Variants in CACNA2D3 observed in about 807,000 individuals in gnomAD.
CACNA2D3 encodes the protein calcium voltage-gated channel auxiliary subunit alpha2delta 3.
Under a neutral mutation model 160.6 loss-of-function variants are expected in CACNA2D3, and 60 were observed. The observed-to-expected ratio is 0.37, with a 90% CI of 0.30 to 0.46. The LOEUF (loss-of-function observed/expected upper bound fraction) is 0.46, where lower values mean the gene tolerates loss of function less well. CACNA2D3 is among the 20% of genes least tolerant of loss of function. The probability of loss-of-function intolerance (pLI) is 1.00; values close to 1 mark genes in which losing one functional copy is unlikely to be tolerated. For missense variants in CACNA2D3, 1,205 were observed against 1,365.0 expected (o/e 0.88, Z 1.85); for synonymous variants, 558 against 492.9 (o/e 1.13, Z -1.75).
intron 2 of CACNA2D3, among the ~76,000 whole-genome samples, chr3:54,212,081 A>G (rs1390420443): frequency 6.6e-6 from 1 of 152,142 alleles, no homozygotes; most frequent in Non-Finnish European, 1.5e-5. Flanking sequence ...ATCCTGACCA[A>G]TAGTTACTAG....
chr3:54,290,373 C>T (rs537913523), intron 2 of CACNA2D3, among the ~76,000 whole-genome samples: 10 of 152,270 alleles, frequency 6.6e-5, no homozygotes, highest in East Asian at 1.9e-4. Flanking sequence ...CATCTCACAC[C>T]GGTTAGAATG....
intron 4 of CACNA2D3, among the ~76,000 whole-genome samples, chr3:54,490,806 G>A (rs560695430): frequency 1.3e-5 from 2 of 152,258 alleles, no homozygotes; most frequent in African/African-American, 4.8e-5. Context: ...CAGAGGAAGC[G>A]GGGTTGCTGG....
At chr3:54,686,623 A>G (rs1452493518) in intron 11 of CACNA2D3, among the ~76,000 whole-genome samples, 2 of 152,204 alleles carry the variant, frequency 1.3e-5, no homozygotes, top group Admixed American at 6.5e-5. Flanking sequence ...ATGCAGCAAA[A>G]TCACCAGGGC....
chr3:54,905,402 A>T lies in CACNA2D3; in HGVS notation c.2449+5534A>T, dbSNP rs933741774. 2.0e-5 allele frequency among the ~76,000 whole-genome samples: 3 copies of T among 152,188 alleles called. No homozygotes were observed. In the East Asian group the frequency reaches 5.8e-4, roughly 29 times the overall value. ...TGGGCCCTTCATTAGAGTTAGGTGAATAATGCTGGCAAAATGTTCTAGGCA... is the reference window on the plus strand; with the variant it reads ...TGGGCCCTTCATTAGAGTTAGGTGATTAATGCTGGCAAAATGTTCTAGGCA... On this transcript the variant is annotated intron_variant, in intron 27 of 37. Transcript: ENST00000474759.
intron 2 of CACNA2D3, among the ~76,000 whole-genome samples, chr3:54,158,477 ATG>A (rs2107293228): frequency 6.6e-6 from 1 of 152,298 alleles, no homozygotes; most frequent in South Asian, 2.1e-4. Context: ...GAATTATGCC[ATG>A]TGTCTTCTCT....
intron 3 of CACNA2D3, among the ~76,000 whole-genome samples, chr3:54,342,052 A>C (rs1482303615): frequency 6.6e-6 from 1 of 152,166 alleles, no homozygotes; most frequent in African/African-American, 2.4e-5. Context: ...CAGAGCTATT[A>C]AGTTATTTGC....
At chr3:54,998,541 C>T (rs1702908434) in intron 31 of CACNA2D3, among the ~76,000 whole-genome samples, 1 of 152,086 alleles carries the variant, frequency 6.6e-6, no homozygotes. Context: ...TTATCAGCAC[C>T]TGTTGATGAA....
intron 11 of CACNA2D3, among the ~76,000 whole-genome samples, chr3:54,684,909 C>T (rs1346665941): frequency 1.3e-5 from 2 of 152,050 alleles, no homozygotes; most frequent in Non-Finnish European, 2.9e-5. Context: ...TCTTCAATCT[C>T]GTTTACATAA....
At chr3:54,932,570 CTGAGT>C (rs1405999838) in intron 27 of CACNA2D3, among the ~76,000 whole-genome samples, 1 of 152,212 alleles carries the variant, frequency 6.6e-6, no homozygotes, top group Non-Finnish European at 1.5e-5. Flanking sequence ...TAGTGACTGG[CTGAGT>C]TATCTGTGTA....
intron 4 of CACNA2D3, among the ~76,000 whole-genome samples, chr3:54,446,523 T>C (rs1466207874): frequency 6.6e-6 from 1 of 152,200 alleles, no homozygotes; most frequent in African/African-American, 2.4e-5. Flanking sequence ...CAATGGATAA[T>C]ATAACAAACA....
intron 4 of CACNA2D3, among the ~76,000 whole-genome samples, chr3:54,441,185 G>A (rs1421520973): frequency 6.6e-6 from 1 of 152,186 alleles, no homozygotes. Context: ...CATTCTAACT[G>A]GTGTGAGATG....
chr3:54,509,589 C>T (rs373091715), intron 5 of CACNA2D3, among the ~76,000 whole-genome samples: 19 of 152,228 alleles, frequency 1.2e-4, no homozygotes, highest in East Asian at 7.7e-4. Context: ...AGAACCTCCT[C>T]GCACATGGTC....
chr3:54,740,950 C>T (rs1008371280), intron 11 of CACNA2D3, among the ~76,000 whole-genome samples: 10 of 152,260 alleles, frequency 6.6e-5, no homozygotes, highest in South Asian at 2.1e-4. Context: ...CAGGGTGGTA[C>T]GAGAGGGGAC....
intron 13 of CACNA2D3, among the ~76,000 whole-genome samples, chr3:54,812,993 C>T (rs538609308): frequency 7.9e-5 from 12 of 152,302 alleles, no homozygotes; most frequent in African/African-American, 2.6e-4. Flanking sequence ...ATTGCTGTCA[C>T]CTTTATCTTC....
intron 27 of CACNA2D3, among the ~76,000 whole-genome samples, chr3:54,940,244 A>G (rs1701433188): frequency 6.6e-6 from 1 of 152,216 alleles, no homozygotes; most frequent in Non-Finnish European, 1.5e-5. Context: ...CTCTTGGAAG[A>G]CTGCAACTAT....
At chr3:54,803,611 A>G (rs1303575384) in intron 13 of CACNA2D3, among the ~76,000 whole-genome samples, 3 of 152,240 alleles carry the variant, frequency 2.0e-5, no homozygotes, top group Admixed American at 6.5e-5. Context: ...GGAGAATGGA[A>G]CCAAGTTGGA....
chr3:54,876,862 A>G (rs1219125617), intron 18 of CACNA2D3, among the ~76,000 whole-genome samples: 1 of 152,202 alleles, frequency 6.6e-6, no homozygotes, highest in Non-Finnish European at 1.5e-5. Context: ...CTCCCTTTTT[A>G]TAGCCCCTGA....
At chr3:54,934,507 T>A (rs1701281539) in intron 27 of CACNA2D3, among the ~76,000 whole-genome samples, 1 of 152,204 alleles carries the variant, frequency 6.6e-6, no homozygotes, top group South Asian at 2.1e-4. Context: ...TTGAACTCCC[T>A]TTAGCAGGCC....
intron 10 of CACNA2D3, among the ~76,000 whole-genome samples, chr3:54,635,921 T>G (rs1428354571): frequency 6.6e-6 from 1 of 152,044 alleles, no homozygotes; most frequent in Non-Finnish European, 1.5e-5. Flanking sequence ...GGAAACGCCT[T>G]TACTTATTCA....
Sources: gnomAD v4.1 joint callset for allele counts (sites outside exome capture counted in the v4.1 genomes callset) on GRCh38, gnomAD v4.1.1 for gene constraint, MANE v1.5 for transcripts, NCBI Gene and HGNC (gene_info 2026-07-23, HGNC 2026-07-21) for gene names.